The following DENND6A variants were observed in gnomAD, a reference collection of about 807,000 sequenced individuals.
The protein encoded by DENND6A is DENN domain containing 6A.
DENND6A carries 43 observed loss-of-function variants against 95.5 expected under a neutral mutation model. That is an observed-to-expected ratio of 0.45 (90% confidence interval 0.35 to 0.58). The LOEUF (loss-of-function observed/expected upper bound fraction) is 0.58. DENND6A is among the 20% of genes least tolerant of loss of function. The pLI is 0.00. For missense variants in DENND6A, 574 were observed against 736.0 expected, an observed-to-expected ratio of 0.78 and a Z score of 2.55; for synonymous variants, 257 against 260.4, an observed-to-expected ratio of 0.99 and a Z score of 0.13.
intron 19 of DENND6A, 32 bp downstream of exon 19, chr3:57,628,779 C>A: frequency 6.3e-7 from 1 of 1,596,296 alleles, no homozygotes; most frequent in South Asian, 1.1e-5. Context: ...AAAGAAAAGT[C>A]AATTTAATCT....
At chr3:57,653,990 C>G (rs1244421316) in intron 9 of DENND6A, among the ~76,000 whole-genome samples, 2 of 141,460 alleles carry the variant, frequency 1.4e-5, no homozygotes, top group Non-Finnish European at 3.1e-5. Context: ...CTCTGTCACC[C>G]AGGCTGGAGT....
intron 1 of DENND6A, among the ~76,000 whole-genome samples, chr3:57,691,689 A>C (rs2077266735): frequency 1.3e-5 from 2 of 151,148 alleles, no homozygotes; most frequent in Non-Finnish European, 3.0e-5. Flanking sequence ...AAAAAAAAAA[A>C]AAAACCAAAA....
chr3:57,682,887 A>G (rs568618589), intron 1 of DENND6A, among the ~76,000 whole-genome samples: 1 of 152,300 alleles, frequency 6.6e-6, no homozygotes, highest in East Asian at 1.9e-4. Flanking sequence ...CATGTTGGCC[A>G]GGCTGGTCTC....
intron 11 of DENND6A, among the ~76,000 whole-genome samples, chr3:57,644,747 T>G (rs1269668484): frequency 0.023 from 35 of 1,524 alleles, no homozygotes; most frequent in Non-Finnish European, 0.029. Context: ...AGGGGAGGGG[T>G]GGGGAGGGGA....
At chr3:57,649,117 A>G (rs776020203) in intron 9 of DENND6A, among the ~76,000 whole-genome samples, 7 of 152,204 alleles carry the variant, frequency 4.6e-5, no homozygotes, top group Admixed American at 6.5e-5. Context: ...CATCCAAACA[A>G]AGGACAAATA....
At chr3:57,650,973 G>T (rs1431134553) in intron 9 of DENND6A, among the ~76,000 whole-genome samples, 1 of 151,982 alleles carries the variant, frequency 6.6e-6, no homozygotes, top group Admixed American at 6.6e-5. Context: ...TAGTAGAGAT[G>T]GGGTTTCTCC....
At chr3:57,642,481 CTA>C (rs1006332457) in intron 11 of DENND6A, among the ~76,000 whole-genome samples, 7 of 152,024 alleles carry the variant, frequency 4.6e-5, no homozygotes, top group African/African-American at 1.7e-4. Flanking sequence ...GCAGAACAAA[CTA>C]TGTGCAAAGC....
chr3:57,663,159 A>G (rs2071457671), intron 5 of DENND6A, among the ~76,000 whole-genome samples: 1 of 149,070 alleles, frequency 6.7e-6, no homozygotes, highest in East Asian at 1.9e-4. Context: ...ATCAAAAAAA[A>G]AAAAAAAAAA....
chr3:57,688,355 C>G (rs979165100), intron 1 of DENND6A, among the ~76,000 whole-genome samples: 1 of 152,012 alleles, frequency 6.6e-6, no homozygotes, highest in Admixed American at 6.6e-5. Context: ...TAAAAGCAGA[C>G]TCACAGTAGA....
intron 19 of DENND6A, 126 bp from the exon 20 acceptor site, chr3:57,628,471 C>T: frequency 5.3e-6 from 7 of 1,325,372 alleles, no homozygotes; most frequent in Non-Finnish European, 6.0e-6. Flanking sequence ...CCAGAAATTA[C>T]AGAAACTAAA....
intron 12 of DENND6A, among the ~76,000 whole-genome samples, chr3:57,636,447 C>T (rs536760261): frequency 6.6e-6 from 1 of 152,200 alleles, no homozygotes; most frequent in South Asian, 2.1e-4. Flanking sequence ...AACAAAACAG[C>T]TAATTACCCG....
intron 2 of DENND6A, 45 bp from the exon 3 acceptor site, chr3:57,672,343 C>A: frequency 6.2e-7 from 1 of 1,608,496 alleles, no homozygotes; most frequent in South Asian, 1.1e-5. Flanking sequence ...CATACATAAT[C>A]AATAAAAACA....
chr3:57,644,207 C>T (rs374268124), intron 11 of DENND6A, among the ~76,000 whole-genome samples: 1 of 150,980 alleles, frequency 6.6e-6, no homozygotes, highest in Admixed American at 6.6e-5. Context: ...CAATACCTAG[C>T]GAACACCAAC....
At chr3:57,677,419 C>T (rs1346094890) in intron 1 of DENND6A, among the ~76,000 whole-genome samples, 6 of 68,744 alleles carry the variant, frequency 8.7e-5, no homozygotes, top group Non-Finnish European at 1.3e-4. Flanking sequence ...CTTTGTTGTC[C>T]TTTTTTTTTT....
At chr3:57,672,967 A>G (rs1427450786) in intron 1 of DENND6A, among the ~76,000 whole-genome samples, 2 of 151,996 alleles carry the variant, frequency 1.3e-5, no homozygotes, top group Non-Finnish European at 2.9e-5. Flanking sequence ...ATATTGGCTC[A>G]CACCTGTAAT....
In DENND6A at chr3:57,626,008, G is replaced by A. The variant is rs1451335796; in HGVS notation, c.*2206C>T. The A allele has an allele frequency of 6.6e-6, 1 of 152,534 alleles. No individual in the cohort carries two copies. The highest frequency in any genetic ancestry group is 1.9e-4 in the East Asian group (1 of 5,198). The allele number at this position is 152,534 out of a possible 1,614,324, so 9.4% of individuals were successfully genotyped here. ...AATATACCTTTTTGAAAAATAATAA[G>A]ATGACCATTTATACCTAAATAAGGT... On this transcript the variant is annotated 3_prime_UTR_variant, in exon 20 of 20. Coordinates refer to ENST00000311128, the MANE Select transcript of DENND6A (RefSeq NM_152678.3).
At chr3:57,669,149 G>GGT (rs2153416180) in intron 3 of DENND6A, among the ~76,000 whole-genome samples, 1 of 152,190 alleles carries the variant, frequency 6.6e-6, no homozygotes, top group African/African-American at 2.4e-5. Flanking sequence ...TGAGATTACA[G>GGT]GTGTGAGCAA....
At chr3:57,692,000 G>C (rs1022686962) in intron 1 of DENND6A, among the ~76,000 whole-genome samples, 6 of 151,990 alleles carry the variant, frequency 3.9e-5, no homozygotes, top group Non-Finnish European at 8.8e-5. Context: ...GGAAGGCCTA[G>C]GCGGGCAGAC....
Position 57,646,296 on chromosome 3 carries a change from T to C in DENND6A, c.941+20A>G, listed in dbSNP as rs1424612443. On this transcript the variant is annotated intron_variant, in intron 10 of 19. Coordinates refer to ENST00000311128, the MANE Select transcript of DENND6A (RefSeq NM_152678.3). The stretch of plus-strand genomic sequence containing the variant: ...AGCATCCAAAAAAAAAACCCAGAAA[T>C]AGTAACCAAATAGACTCACTTAACA... 6.3e-7 allele frequency: 1 copy of C among 1,582,658 alleles called. No individual in the cohort carries two copies. Among genetic ancestry groups the C allele is most frequent in the South Asian group, 1.2e-5 (1 of 85,090 alleles).
Sources: allele counts gnomAD v4.1 joint callset (sites outside exome capture counted in the v4.1 genomes callset), GRCh38; gene constraint gnomAD v4.1.1; transcripts MANE v1.5; gene names NCBI Gene and HGNC (gene_info 2026-07-23, HGNC 2026-07-21).